The following CSMD1 variants were observed in gnomAD, a reference collection of about 807,000 sequenced individuals.
The protein encoded by CSMD1 is CUB and Sushi multiple domains 1, also known as CUB and sushi domain-containing protein 1.
Under a neutral mutation model 417.5 loss-of-function variants are expected in CSMD1, and 213 were observed. That is an observed-to-expected ratio of 0.51 (90% CI 0.46 to 0.57). The LOEUF is 0.57. Ranked by LOEUF, CSMD1 falls within the 20% of genes least tolerant of loss-of-function variation. The probability of loss-of-function intolerance (pLI) is 0.00; values close to 1 mark genes in which losing one functional copy is unlikely to be tolerated. For synonymous variants in CSMD1, 2,862 were observed against 1,736.8 expected (o/e 1.65, Z -16.11); for missense variants, 6,923 against 4,529.7 (o/e 1.53, Z -15.17).
intron 47 of CSMD1, among the ~76,000 whole-genome samples, chr8:3,093,483 A>T (rs1160681409): frequency 1.3e-5 from 2 of 152,140 alleles, no homozygotes; most frequent in African/African-American, 4.8e-5. Context: ...CCTGGCCAAT[A>T]TGGTAAAACC....
chr8:4,829,302 C>G (rs1800006115), intron 1 of CSMD1, among the ~76,000 whole-genome samples: 1 of 152,174 alleles, frequency 6.6e-6, no homozygotes, highest in South Asian at 2.1e-4. Context: ...TTTATCCCAT[C>G]AAACCATTAT....
chr8:4,883,686 A>G (rs183980607), intron 1 of CSMD1, among the ~76,000 whole-genome samples: 2 of 152,230 alleles, frequency 1.3e-5, no homozygotes, highest in African/African-American at 2.4e-5. Context: ...ATAATAACCA[A>G]TTGTATGGCC....
intron 12 of CSMD1, among the ~76,000 whole-genome samples, chr8:3,464,883 G>C (rs144899089): frequency 0.014 from 2,096 of 152,084 alleles, 53 homozygotes; most frequent in African/African-American, 0.048. Context: ...CACTTAACAT[G>C]ATCTCCCTCA....
intron 2 of CSMD1, among the ~76,000 whole-genome samples, chr8:4,449,079 A>G (rs1163808934): frequency 6.6e-6 from 1 of 152,230 alleles, no homozygotes; most frequent in Non-Finnish European, 1.5e-5. Context: ...ACCTCTTTCT[A>G]AGGAGATTGA....
rs1000540363 is a variant in CSMD1, at chr8:3,926,330, A to C, written c.818+71573T>G. Among the ~76,000 whole-genome samples, 8 of 152,136 alleles carry C rather than the reference A, an allele frequency of 5.3e-5. No individual in the cohort carries two copies. In the South Asian group the frequency reaches 1.0e-3, roughly 20 times the overall value. ...CTTATAACTTTTCAATCTATTACAC[A>C]CTATTTATTTTATCTTATCTTATTT... On this transcript the variant is annotated intron_variant, in intron 5 of 69. Coordinates refer to ENST00000635120, the MANE Select transcript of CSMD1 (RefSeq NM_033225.6).
At chr8:3,118,281 T>A in intron 42 of CSMD1, 118 bp downstream of exon 42, 1 of 747,754 alleles carries the variant, frequency 1.3e-6, no homozygotes. Context: ...ACATAATAGA[T>A]TCTCAACGAA....
At chr8:3,190,475 T>C (rs555329568) in intron 33 of CSMD1, among the ~76,000 whole-genome samples, 8 of 152,316 alleles carry the variant, frequency 5.3e-5, no homozygotes, top group African/African-American at 1.9e-4. Context: ...CATTTAATCA[T>C]CCTGCTAGTG....
chr8:3,223,152 A>C (rs1798311267), intron 28 of CSMD1, among the ~76,000 whole-genome samples: 1 of 152,330 alleles, frequency 6.6e-6, no homozygotes, highest in Non-Finnish European at 1.5e-5. Flanking sequence ...TTATTTAAAG[A>C]GTTTATTTTC....
chr8:4,446,080 G>A (rs138586287), intron 2 of CSMD1, among the ~76,000 whole-genome samples: 147 of 152,274 alleles, frequency 9.7e-4, no homozygotes, highest in African/African-American at 3.2e-3. Context: ...TAGGCGGAAG[G>A]GCTCCGTGTT....
At chr8:4,461,670 C>A (rs931950316) in intron 2 of CSMD1, among the ~76,000 whole-genome samples, 1 of 151,662 alleles carries the variant, frequency 6.6e-6, no homozygotes, top group African/African-American at 2.4e-5. Flanking sequence ...CCCACCTCAG[C>A]CTGCTGTATA....
intron 2 of CSMD1, among the ~76,000 whole-genome samples, chr8:4,547,550 G>T (rs899711485): frequency 6.6e-6 from 1 of 152,068 alleles, no homozygotes; most frequent in Non-Finnish European, 1.5e-5. Context: ...TTACCTGTTC[G>T]TAGATACTTG....
intron 51 of CSMD1, among the ~76,000 whole-genome samples, chr8:3,021,321 C>A (rs1166884724): frequency 6.6e-6 from 1 of 152,196 alleles, no homozygotes; most frequent in Non-Finnish European, 1.5e-5. Flanking sequence ...AATAGAATTT[C>A]AGACCCAGAG....
In CSMD1 at chr8:4,182,274, T is replaced by C. The variant is rs79524460; in HGVS notation, c.416-150175A>G. Among the ~76,000 whole-genome samples, 160 of 152,278 alleles carry C rather than the reference T, an allele frequency of 1.1e-3. 2 individuals are homozygous for C. In the East Asian group the frequency reaches 0.029, roughly 27 times the overall value. On this transcript the variant is annotated intron_variant, in intron 3 of 69. Transcript: ENST00000635120. ...TATATCTAGATTATCGTTTGCATGA[T>C]TTGTTTAAAAGAGGGTAAAGTTCTA... is the stretch of plus-strand genomic sequence containing the variant.
chr8:4,267,599 G>C (rs1585126818), intron 3 of CSMD1, among the ~76,000 whole-genome samples: 1 of 151,900 alleles, frequency 6.6e-6, no homozygotes, highest in East Asian at 1.9e-4. Context: ...TTGGTTGGTA[G>C]AAAAAAATGG....
Position 4,218,191 on chromosome 8 carries a change from T to C in CSMD1, c.416-186092A>G, listed in dbSNP as rs145442906. Among the ~76,000 whole-genome samples, 103 of 152,316 alleles carry C rather than the reference T, an allele frequency of 6.8e-4. 1 individual carries two copies. Among genetic ancestry groups the C allele is most frequent in the African/African-American group, 2.3e-3 (95 of 41,582 alleles). ...TGGAACACTAGTTATAAATTCCTAATCACTCTTGTTGGCACTTTGCTCATT... is the reference window on the plus strand; with the variant it reads ...TGGAACACTAGTTATAAATTCCTAACCACTCTTGTTGGCACTTTGCTCATT... On this transcript the variant is annotated intron_variant, in intron 3 of 69. Transcript: ENST00000635120.
At chr8:4,612,766 C>T (rs572190921) in intron 2 of CSMD1, among the ~76,000 whole-genome samples, 89 of 152,286 alleles carry the variant, frequency 5.8e-4, no homozygotes, top group Middle Eastern at 6.8e-3. Context: ...CAAATCTATG[C>T]ACACTCAACA....
intron 5 of CSMD1, among the ~76,000 whole-genome samples, chr8:3,988,768 G>A (rs925740222): frequency 6.6e-6 from 1 of 152,216 alleles, no homozygotes; most frequent in African/African-American, 2.4e-5. Flanking sequence ...AGCCCTGAAT[G>A]TGAAACAATG....
At chr8:4,268,069 G>C (rs755489978) in intron 3 of CSMD1, among the ~76,000 whole-genome samples, 4 of 151,938 alleles carry the variant, frequency 2.6e-5, no homozygotes, top group African/African-American at 7.3e-5. Flanking sequence ...CAAAATCCTC[G>C]CAATCCACAA....
chr8:4,848,835 C>G (rs796078298), intron 1 of CSMD1, among the ~76,000 whole-genome samples: 1 of 152,186 alleles, frequency 6.6e-6, no homozygotes. Flanking sequence ...TGAGCCAACG[C>G]GCCCAACCCA....
Sources: gnomAD v4.1 joint callset for allele counts (sites outside exome capture counted in the v4.1 genomes callset) on GRCh38, gnomAD v4.1.1 for gene constraint, MANE v1.5 for transcripts, NCBI Gene and HGNC (gene_info 2026-07-23, HGNC 2026-07-21) for gene names.